Variants in TMEM87A observed in about 807,000 individuals in gnomAD.
TMEM87A encodes the protein transmembrane protein 87A.
In TMEM87A, 50 loss-of-function variants were observed where a neutral mutation model predicts 90.0. That is an observed-to-expected ratio of 0.56 (90% CI 0.44 to 0.70). The LOEUF (loss-of-function observed/expected upper bound fraction) is 0.70. Among genes scored for constraint, TMEM87A ranks in the 30% least tolerant of loss-of-function variants. The probability of loss-of-function intolerance (pLI) is 0.00; values close to 1 mark genes in which losing one functional copy is unlikely to be tolerated. For missense variants in TMEM87A, 577 were observed against 660.5 expected (o/e 0.87, Z 1.39); for synonymous variants, 226 against 226.7 (o/e 1.00, Z 0.03).
chr15:42,265,270 T>C (rs757679988), intron 3 of TMEM87A, among the ~76,000 whole-genome samples: 1 of 152,166 alleles, frequency 6.6e-6, no homozygotes, highest in Non-Finnish European at 1.5e-5. Flanking sequence ...TTTTAGCTCT[T>C]TGAGGAATTG....
At chr15:42,261,041 C>T in intron 5 of TMEM87A, 39 bp from the exon 6 acceptor site, 1 of 1,578,842 alleles carries the variant, frequency 6.3e-7, no homozygotes, top group Non-Finnish European at 8.6e-7. Flanking sequence ...TAATTCAGAA[C>T]TTCTTGTTTT....
At chr15:42,227,072 G>T in intron 14 of TMEM87A, 163 bp from the exon 15 acceptor site, 1 of 631,286 alleles carries the variant, frequency 1.6e-6, no homozygotes, top group Non-Finnish European at 2.7e-6. Context: ...GAAACAAAGT[G>T]AATGAATGTA....
chr15:42,229,749 T>G (rs1376346327), intron 12 of TMEM87A, among the ~76,000 whole-genome samples: 2 of 152,172 alleles, frequency 1.3e-5, no homozygotes, highest in East Asian at 3.9e-4. Flanking sequence ...TTCAGAACAT[T>G]ATTCTCAAGT....
At chr15:42,226,279 C>A (rs555978385) in intron 15 of TMEM87A, among the ~76,000 whole-genome samples, 1 of 151,260 alleles carries the variant, frequency 6.6e-6, no homozygotes, top group East Asian at 1.9e-4. Flanking sequence ...GAATTACAGG[C>A]GTGAGCCACC....
intron 1 of TMEM87A, 55 bp downstream of exon 1, chr15:42,273,200 C>T (rs1163439868): frequency 6.2e-7 from 1 of 1,605,534 alleles, no homozygotes; most frequent in Non-Finnish European, 8.5e-7. Flanking sequence ...CTTGGGCCGC[C>T]GTAGCCCCAC....
At chr15:42,241,721 C>T (rs756480554) in intron 7 of TMEM87A, among the ~76,000 whole-genome samples, 15 of 152,080 alleles carry the variant, frequency 9.9e-5, no homozygotes, top group Non-Finnish European at 1.8e-4. Flanking sequence ...GGTGCGGCGG[C>T]TCACACCTGT....
chr15:42,220,092 G>T lies in TMEM87A; in HGVS notation c.1447C>A (p.Gln483Lys). The T allele has an allele frequency of 6.2e-7, 1 of 1,609,116 alleles. No individual in the cohort carries two copies. ...CTTTCTTTCAGCATAGGCTCCTTTTGTTCATCCTCCTCCTCTTCCTCAGAC... is the reference window on the plus strand; with the variant it reads ...CTTTCTTTCAGCATAGGCTCCTTTTTTTCATCCTCCTCCTCTTCCTCAGAC... ...PLSEEEEEDE[Q>K]KEPMLKESFE... The change falls in exon 16 of 20, where the codon CAA (glutamine) becomes AAA (lysine). Residue 483 changes from glutamine (Q) to lysine (K), a missense_variant. Coordinates refer to ENST00000389834, the MANE Select transcript of TMEM87A (RefSeq NM_015497.5).
intron 2 of TMEM87A, among the ~76,000 whole-genome samples, chr15:42,269,898 TGCAATCC>T (rs1415416485): frequency 8.1e-6 from 1 of 123,296 alleles, no homozygotes; most frequent in Non-Finnish European, 1.6e-5. Flanking sequence ...ATTGCGCCAC[TGCAATCC>T]GCAGTCCGGC....
intron 6 of TMEM87A, among the ~76,000 whole-genome samples, chr15:42,255,633 T>A (rs1167352329): frequency 6.6e-6 from 1 of 152,238 alleles, no homozygotes; most frequent in East Asian, 1.9e-4. Flanking sequence ...TTAATTTTTT[T>A]AAATTATGTT....
chr15:42,243,670 C>T (rs943087289), intron 7 of TMEM87A, among the ~76,000 whole-genome samples: 4 of 151,810 alleles, frequency 2.6e-5, no homozygotes, highest in Admixed American at 1.3e-4. Flanking sequence ...CAGGCATGTG[C>T]CACCACACCG....
chr15:42,260,675 G>A (rs942635003), intron 6 of TMEM87A, among the ~76,000 whole-genome samples: 1 of 152,088 alleles, frequency 6.6e-6, no homozygotes, highest in African/African-American at 2.4e-5. Flanking sequence ...AAGTTTAAGA[G>A]TTCTTATTTT....
intron 6 of TMEM87A, among the ~76,000 whole-genome samples, chr15:42,245,690 A>G (rs1190441319): frequency 6.6e-6 from 1 of 151,016 alleles, no homozygotes; most frequent in Admixed American, 6.6e-5. Context: ...ACACCCAGCT[A>G]ATTTTTTTTT....
chr15:42,224,408 A>G (rs1262152464), intron 15 of TMEM87A: 2 of 152,268 alleles, frequency 1.3e-5, no homozygotes, highest in Admixed American at 6.5e-5. Context: ...GCTTTCCCAG[A>G]CAGAAACAAT....
chr15:42,235,693 C>G (rs1462675142), intron 10 of TMEM87A, among the ~76,000 whole-genome samples: 1 of 152,198 alleles, frequency 6.6e-6, no homozygotes, highest in Admixed American at 6.5e-5. Flanking sequence ...CTTGAAGTCT[C>G]TGCTTAAATG....
At chr15:42,235,916 T>C (rs932112483) in intron 10 of TMEM87A, among the ~76,000 whole-genome samples, 1 of 152,310 alleles carries the variant, frequency 6.6e-6, no homozygotes, top group African/African-American at 2.4e-5. Flanking sequence ...AGAATGCCTA[T>C]AGAAGACACT....
intron 10 of TMEM87A, among the ~76,000 whole-genome samples, chr15:42,236,103 TG>T (rs2050764974): frequency 6.6e-6 from 1 of 151,908 alleles, no homozygotes; most frequent in African/African-American, 2.4e-5. Flanking sequence ...CTTGGAAGTA[TG>T]GAATATATTT....
chr15:42,236,390 G>A lies in TMEM87A; in HGVS notation c.898C>T (p.Leu300Phe), dbSNP rs774284092. Residue 300 changes from leucine (L) to phenylalanine (F), a missense_variant, in exon 10 of 20, where the codon CTT becomes TTT. Transcript: ENST00000389834. The stretch of plus-strand genomic sequence containing the variant: ...GCCAGTGAGCGTTTCACTGCTGAAA[G>A]CAGCTCTGCAAGGATCAAAGCACCC... ...VQGALILAEL[L>F]SAVKRSLART... The A allele has an allele frequency of 6.2e-7, 1 of 1,614,122 alleles. No homozygotes were observed. The highest frequency in any genetic ancestry group is 1.1e-5 in the South Asian group (1 of 91,090).
chr15:42,257,145 G>A (rs923322982), intron 6 of TMEM87A, among the ~76,000 whole-genome samples: 1 of 152,124 alleles, frequency 6.6e-6, no homozygotes, highest in Admixed American at 6.5e-5. Flanking sequence ...CACTGCTATG[G>A]TTTAGATATC....
At chr15:42,240,442 T>G (rs932344244) in intron 7 of TMEM87A, among the ~76,000 whole-genome samples, 1 of 152,144 alleles carries the variant, frequency 6.6e-6, no homozygotes, top group Non-Finnish European at 1.5e-5. Context: ...CCAATAAACA[T>G]AGAATTGAAC....
Sources: allele counts gnomAD v4.1 joint callset (sites outside exome capture counted in the v4.1 genomes callset), GRCh38; gene constraint gnomAD v4.1.1; transcripts MANE v1.5; gene names NCBI Gene and HGNC (gene_info 2026-07-23, HGNC 2026-07-21).